CSNK1G2: variants seen among roughly 807,000 people sequenced by gnomAD.
CSNK1G2 encodes the protein casein kinase 1 gamma 2.
A neutral mutation model predicts 48.0 loss-of-function variants in CSNK1G2; 11 were observed. The ratio of observed to expected loss-of-function variants is 0.23; its 90% CI spans 0.14 to 0.38. The LOEUF is 0.38. Ranked by LOEUF, CSNK1G2 falls within the 10% of genes least tolerant of loss-of-function variation. CSNK1G2 has a pLI of 1.00. For synonymous variants in CSNK1G2, 337 were observed against 254.1 expected (o/e 1.33, Z -3.10); for missense variants, 446 against 595.5 (o/e 0.75, Z 2.61).
In CSNK1G2 at chr19:1,965,738, G is replaced by C. The variant is rs368135941; in HGVS notation, c.-265-3770G>C. Among the ~76,000 whole-genome samples the C allele has an allele frequency of 3.9e-5, 6 of 151,976 alleles. No individual in the cohort carries two copies. In the East Asian group the frequency reaches 5.8e-4, roughly 15 times the overall value. On this transcript the variant is annotated intron_variant, in intron 1 of 11. Transcript: ENST00000255641. ...GTCTTGAACTCCTGAGCTCAAAGCAGTCTGCCCGCCTCAGCCTCCCAAAGT... is the reference window on the plus strand; with the variant it reads ...GTCTTGAACTCCTGAGCTCAAAGCACTCTGCCCGCCTCAGCCTCCCAAAGT...
intron 1 of CSNK1G2, chr19:1,953,976 G>T: frequency 1.9e-6 from 1 of 533,910 alleles, no homozygotes; most frequent in Non-Finnish European, 3.8e-6. Flanking sequence ...GCCTTCTCGT[G>T]GTGATGACAG....
At chr19:1,961,454 C>T (rs1371416319) in intron 1 of CSNK1G2, among the ~76,000 whole-genome samples, 3 of 152,244 alleles carry the variant, frequency 2.0e-5, no homozygotes, top group African/African-American at 7.2e-5. Context: ...GGCCCAGCAG[C>T]CTATACTCCA....
Position 1,978,446 on chromosome 19 carries a change from C to T in CSNK1G2, c.233C>T (p.Pro78Leu), listed in dbSNP as rs548764709. 14 of 1,609,768 alleles carry T rather than the reference C, an allele frequency of 8.7e-6. No homozygotes were observed. Among genetic ancestry groups the T allele is most frequent in the African/African-American group, 4.0e-5 (3 of 74,832 alleles). ...TNEYVAIKLE[P>L]IKSRAPQLHL... ...GACTCGCTCTTGTGCCCCCAGGAGC[C>T]GATCAAGTCCCGGGCCCCGCAGCTG... Residue 78 changes from proline to leucine, a missense_variant, in exon 4 of 12, where the codon CCG becomes CTG. By Grantham distance (98) the Pro-to-Leu change is moderately conservative. Around this residue, in one of 2 missense-constraint regions of CSNK1G2, gnomAD observed 258 missense variants for 415.9 expected, o/e 0.62. Transcript: ENST00000255641. This position sits in a 1 kb window ranked among gnomAD's most constrained non-coding sequence, Gnocchi z 7.3.
chr19:1,953,911 C>T (rs779037857), intron 1 of CSNK1G2: 10 of 533,982 alleles, frequency 1.9e-5, no homozygotes, highest in African/African-American at 1.5e-4. Flanking sequence ...CGGCTGTCCT[C>T]GTGGGCGTCT....
chr19:1,969,476 C>T (rs981657322), intron 1 of CSNK1G2, 32 bp from the exon 2 acceptor site: 8 of 239,126 alleles, frequency 3.3e-5, no homozygotes, highest in South Asian at 1.8e-4. Context: ...GGGGCCTTGC[C>T]GGTGCTCACC....
chr19:1,962,655 C>G (rs892569701), intron 1 of CSNK1G2, among the ~76,000 whole-genome samples: 2 of 152,112 alleles, frequency 1.3e-5, no homozygotes, highest in Non-Finnish European at 2.9e-5. Flanking sequence ...AGAGCCAGAC[C>G]CTGTCTCAAA....
intron 1 of CSNK1G2, among the ~76,000 whole-genome samples, chr19:1,956,087 C>CTCCA (rs1446454722): frequency 1.3e-5 from 2 of 152,194 alleles, no homozygotes; most frequent in Non-Finnish European, 2.9e-5. Context: ...ATCCTCCTGC[C>CTCCA]TCCAGGTCAT....
chr19:1,966,465 A>G (rs2015368669), intron 1 of CSNK1G2, among the ~76,000 whole-genome samples: 1 of 152,138 alleles, frequency 6.6e-6, no homozygotes, highest in African/African-American at 2.4e-5. Flanking sequence ...GTTGCCTCTG[A>G]AGGGTGAGCA....
At chr19:1,954,967 G>A (rs1373448012) in intron 1 of CSNK1G2, among the ~76,000 whole-genome samples, 2 of 152,108 alleles carry the variant, frequency 1.3e-5, no homozygotes, top group African/African-American at 2.4e-5. Flanking sequence ...AACAGGGCAG[G>A]CCCCCAACCC....
chr19:1,947,408 A>G (rs1302614472), intron 1 of CSNK1G2, among the ~76,000 whole-genome samples: 3 of 152,204 alleles, frequency 2.0e-5, no homozygotes, highest in Non-Finnish European at 4.4e-5. Context: ...TCCCCAGGAA[A>G]GATGGCAGGC....
At chr19:1,970,010 GCC>G in intron 2 of CSNK1G2, 51 bp downstream of exon 2, 5 of 1,278,270 alleles carry the variant, frequency 3.9e-6, no homozygotes, top group Non-Finnish European at 4.9e-6. Flanking sequence ...TGGCAGGGCC[GCC>G]CCGAGTCACC....
intron 1 of CSNK1G2, among the ~76,000 whole-genome samples, chr19:1,964,733 G>T (rs72979614): frequency 1.9e-4 from 26 of 139,448 alleles, no homozygotes; most frequent in Admixed American, 2.9e-4. Context: ...TTGTTTTTTT[G>T]TTTTTTTTTT....
chr19:1,950,764 T>C (rs35159037), intron 1 of CSNK1G2, among the ~76,000 whole-genome samples: 82,606 of 144,450 alleles, frequency 0.57, 27,843 homozygotes, highest in Non-Finnish European at 0.67. Context: ...CTCCAGCCAG[T>C]GTCAGGTGGG....
intron 2 of CSNK1G2, among the ~76,000 whole-genome samples, chr19:1,973,747 T>G (rs2015656511): frequency 6.6e-6 from 1 of 152,222 alleles, no homozygotes; most frequent in Non-Finnish European, 1.5e-5. Context: ...GATTGTCCAT[T>G]CGCTCTCAGC....
chr19:1,944,142 C>T (rs1352019762), intron 1 of CSNK1G2, among the ~76,000 whole-genome samples: 2 of 152,068 alleles, frequency 1.3e-5, no homozygotes, highest in Admixed American at 1.3e-4. Context: ...AGCTAGGGCT[C>T]GGTGGCCGTG....
chr19:1,975,189 C>T (rs2015711278), intron 2 of CSNK1G2: 3 of 985,478 alleles, frequency 3.0e-6, no homozygotes, highest in Non-Finnish European at 3.6e-6. Context: ...AAGACGCTGC[C>T]AAGAGCATGA....
intron 2 of CSNK1G2, among the ~76,000 whole-genome samples, chr19:1,971,388 C>T (rs1298397242): frequency 6.6e-6 from 1 of 152,254 alleles, no homozygotes; most frequent in Admixed American, 6.5e-5. Context: ...CGGCCTGTGG[C>T]TCAGGAGGCC....
chr19:1,945,105 G>A (rs926841278), intron 1 of CSNK1G2, among the ~76,000 whole-genome samples: 12 of 152,230 alleles, frequency 7.9e-5, no homozygotes, highest in African/African-American at 2.9e-4. Context: ...AGTCCTCCAG[G>A]CTCCGCGGCC....
At position 1,943,619 on chromosome 19, in the gene CSNK1G2, A is replaced by AG. The variant is rs557074778; in HGVS notation, c.-266+2208dup. On this transcript the variant is annotated intron_variant, in intron 1 of 11. Transcript: ENST00000255641. ...TGTTGGTGTGCCAGGCACGGTTGGG[A>AG]GGGGGGGCACTGTGTCTTTTGGAAC... Among the ~76,000 whole-genome samples the AG allele has an allele frequency of 2.0e-3, 290 of 144,568 alleles. 1 individual carries two copies. Among genetic ancestry groups the AG allele is most frequent in the South Asian group, 3.9e-3 (17 of 4,400 alleles). 94.8% of individuals were successfully genotyped at this position (144,568 alleles called of 152,430 possible). A position where few individuals can be genotyped will look rare whatever the true frequency, so the allele number is the denominator to read the frequency against.
Sources: gnomAD v4.1 joint callset for allele counts (sites outside exome capture counted in the v4.1 genomes callset) on GRCh38, gnomAD v4.1.1 for gene constraint, gnomAD v4.1.1 regional missense constraint, Gnocchi (gnomAD v3.1) non-coding constraint, MANE v1.5 for transcripts, NCBI Gene and HGNC (gene_info 2026-07-23, HGNC 2026-07-21) for gene names.